Variants in GNS observed in about 807,000 individuals in gnomAD.
The protein encoded by GNS is N-acetylglucosamine-6-sulfatase.
A neutral mutation model predicts 69.7 loss-of-function variants in GNS; 40 were observed. The ratio of observed to expected loss-of-function variants is 0.57; its 90% CI spans 0.45 to 0.75. GNS has a LOEUF of 0.75. GNS is among the 30% of genes least tolerant of loss of function. The pLI, the probability that GNS is intolerant of heterozygous loss-of-function variation, is 0.00. For synonymous variants in GNS, 243 were observed against 251.6 expected, an observed-to-expected ratio of 0.97 and a Z score of 0.32; for missense variants, 565 against 685.5, an observed-to-expected ratio of 0.82 and a Z score of 1.96.
At chr12:64,738,057 T>G (rs1371687325) in intron 8 of GNS, among the ~76,000 whole-genome samples, 1 of 151,736 alleles carries the variant, frequency 6.6e-6, no homozygotes, top group Non-Finnish European at 1.5e-5. Flanking sequence ...TCACCCACAC[T>G]GGAGTGCAGT....
chr12:64,759,021 G>T (rs1870375651), intron 1 of GNS, 64 bp downstream of exon 1: 11 of 1,342,446 alleles, frequency 8.2e-6, no homozygotes, highest in African/African-American at 1.4e-5. Flanking sequence ...GACCGGGAAA[G>T]AGAGCAACAA....
chr12:64,736,405 T>TTA (rs1312708642), intron 9 of GNS, among the ~76,000 whole-genome samples: 2 of 152,136 alleles, frequency 1.3e-5, no homozygotes, highest in Non-Finnish European at 2.9e-5. Flanking sequence ...TTTGATAGCC[T>TTA]TATACTCAAA....
intron 1 of GNS, among the ~76,000 whole-genome samples, chr12:64,758,514 G>A (rs1796617064): frequency 6.6e-6 from 1 of 151,794 alleles, no homozygotes; most frequent in South Asian, 2.1e-4. Flanking sequence ...TAGTAGAGAC[G>A]GGGTTTCACC....
intron 9 of GNS, 108 bp downstream of exon 9, chr12:64,736,896 C>G: frequency 1.4e-6 from 1 of 733,116 alleles, no homozygotes; most frequent in Non-Finnish European, 2.5e-6. Context: ...TTCTGCTGCT[C>G]AGCCCTAGTG....
intron 10 of GNS, among the ~76,000 whole-genome samples, chr12:64,728,227 A>G (rs574564114): frequency 4.3e-4 from 65 of 152,182 alleles, no homozygotes; most frequent in Non-Finnish European, 9.1e-4. Flanking sequence ...CGCCTGGCCG[A>G]CACTTTAAAT....
chr12:64,751,435 T>C (rs191311952), intron 2 of GNS, among the ~76,000 whole-genome samples: 3 of 152,320 alleles, frequency 2.0e-5, no homozygotes, highest in Admixed American at 2.0e-4. Flanking sequence ...TGGCTATGAC[T>C]AGACAGTCGG....
At chr12:64,728,258 G>A (rs894545714) in intron 10 of GNS, among the ~76,000 whole-genome samples, 1 of 152,142 alleles carries the variant, frequency 6.6e-6, no homozygotes, top group South Asian at 2.1e-4. Flanking sequence ...TATGGTATGG[G>A]AATTAAGCTG....
chr12:64,744,944 C>A, intron 4 of GNS, 37 bp from the exon 5 acceptor site: 2 of 917,490 alleles, frequency 2.2e-6, no homozygotes, highest in South Asian at 2.6e-5. Context: ...GTTATGAGGT[C>A]AGTGCACAAA....
chr12:64,751,129 C>T (rs533791527), intron 2 of GNS, among the ~76,000 whole-genome samples: 59 of 152,296 alleles, frequency 3.9e-4, no homozygotes, highest in Non-Finnish European at 7.6e-4. Flanking sequence ...GGAAGGATCA[C>T]TTGAGCTCAG....
intron 2 of GNS, among the ~76,000 whole-genome samples, chr12:64,750,401 G>T (rs1042076925): frequency 6.6e-6 from 1 of 151,882 alleles, no homozygotes; most frequent in Non-Finnish European, 1.5e-5. Context: ...TTGCCATATT[G>T]CCCAGGCTGG....
At chr12:64,722,512 C>T (rs966953638) in intron 11 of GNS, among the ~76,000 whole-genome samples, 1 of 152,206 alleles carries the variant, frequency 6.6e-6, no homozygotes, top group Non-Finnish European at 1.5e-5. Flanking sequence ...TACTGTAACA[C>T]TTTGGTGTTA....
chr12:64,755,317 C>T (rs572313900), intron 1 of GNS, among the ~76,000 whole-genome samples: 1 of 152,290 alleles, frequency 6.6e-6, no homozygotes, highest in East Asian at 1.9e-4. Context: ...TATTCTCACA[C>T]CTGTAATCCC....
At chr12:64,734,661 C>T (rs1869507729) in intron 9 of GNS, among the ~76,000 whole-genome samples, 1 of 152,210 alleles carries the variant, frequency 6.6e-6, no homozygotes, top group South Asian at 2.1e-4. Flanking sequence ...TTCGCATTTA[C>T]CGTCCTGCTC....
At chr12:64,726,479 G>C (rs1243507865) in intron 10 of GNS, among the ~76,000 whole-genome samples, 1 of 152,174 alleles carries the variant, frequency 6.6e-6, no homozygotes, top group Non-Finnish European at 1.5e-5. Context: ...AAGTTTAGAA[G>C]CATCTTTATA....
chr12:64,732,182 TTTTG>T, intron 9 of GNS, among the ~76,000 whole-genome samples: 1 of 134,690 alleles, frequency 7.4e-6, no homozygotes, highest in South Asian at 2.7e-4. Flanking sequence ...TTTTTTTTTT[TTTTG>T]AGACGGAGTC....
At chr12:64,730,434 C>CAAAAA (rs35692874) in intron 9 of GNS, among the ~76,000 whole-genome samples, 9 of 43,388 alleles carry the variant, frequency 2.1e-4, no homozygotes, top group East Asian at 8.8e-4. Context: ...ATATGAAAGG[C>CAAAAA]AAAAAAAAAA....
rs1199672172 is a variant in GNS at position 64,747,573 on chromosome 12, A to G, written c.459+139T>C. 4.6e-6 allele frequency: 3 copies of G among 652,124 alleles called. No homozygotes were observed. The African/African-American group carries it at 5.5e-5, about 12-fold the overall frequency. 40.4% of individuals were successfully genotyped at this position (652,124 alleles called of 1,614,324 possible). On this transcript the variant is annotated intron_variant, in intron 3 of 13. Transcript: ENST00000258145. Reference sequence around the variant, plus strand: ...ATGAACATATTTACATGATATGGGTACTTGTTTAATGGGCAGATTCACAGA... The same window carrying G: ...ATGAACATATTTACATGATATGGGTGCTTGTTTAATGGGCAGATTCACAGA...
At chr12:64,739,014 G>GA (rs1310618474) in intron 8 of GNS, among the ~76,000 whole-genome samples, 1 of 151,968 alleles carries the variant, frequency 6.6e-6, no homozygotes, top group Non-Finnish European at 1.5e-5. Flanking sequence ...TGCAGCTTTT[G>GA]AAAAAAACAA....
chr12:64,720,906 A>T (rs1869006161), intron 12 of GNS, among the ~76,000 whole-genome samples: 3 of 152,220 alleles, frequency 2.0e-5, no homozygotes. Context: ...GATAAACATT[A>T]TGGGGGAGCA....
Sources: allele counts gnomAD v4.1 joint callset (sites outside exome capture counted in the v4.1 genomes callset), GRCh38; gene constraint gnomAD v4.1.1; transcripts MANE v1.5; gene names NCBI Gene and HGNC (gene_info 2026-07-23, HGNC 2026-07-21).